The following DIAPH2 variants were observed in gnomAD, a reference collection of about 807,000 sequenced individuals.
DIAPH2 encodes diaphanous related formin 2.
Under a neutral mutation model 92.7 loss-of-function variants are expected in DIAPH2, and 35 were observed. The ratio of observed to expected loss-of-function variants is 0.38; its 90% CI spans 0.29 to 0.50. The LOEUF (loss-of-function observed/expected upper bound fraction) is 0.50, where lower values mean the gene tolerates loss of function less well. DIAPH2 is among the 20% of genes least tolerant of loss of function. DIAPH2 has a pLI of 0.94. For synonymous variants in DIAPH2, 301 were observed against 280.4 expected, an observed-to-expected ratio of 1.07 and a Z score of -0.73; for missense variants, 701 against 819.5, an observed-to-expected ratio of 0.86 and a Z score of 1.77.
chrX:97,361,722 G>A (rs1241894179), intron 24 of DIAPH2, among the ~76,000 whole-genome samples: 1 of 111,919 alleles, frequency 8.9e-6, no homozygotes, highest in South Asian at 3.8e-4. Flanking sequence ...GGCTGTAGTT[G>A]TTCCAGGCAT....
chrX:97,420,281 A>G (rs745350546), intron 25 of DIAPH2, among the ~76,000 whole-genome samples: 4 of 111,736 alleles, frequency 3.6e-5, no homozygotes, highest in South Asian at 7.6e-4. Context: ...TAAGATATAC[A>G]TACATTAGGG....
chrX:97,290,074 A>AATATATATAT (rs374540988), intron 23 of DIAPH2, among the ~76,000 whole-genome samples: 48 of 95,116 alleles, frequency 5.0e-4, no homozygotes, highest in African/African-American at 1.7e-3. Flanking sequence ...CAGTAATTTA[A>AATATATATAT]ATATATATAT....
intron 4 of DIAPH2, among the ~76,000 whole-genome samples, chrX:96,864,909 A>G (rs1015932223): frequency 8.9e-6 from 1 of 112,209 alleles, no homozygotes; most frequent in Admixed American, 9.5e-5. Context: ...AACGGGGATA[A>G]TATGTCTCAC....
intron 17 of DIAPH2, among the ~76,000 whole-genome samples, chrX:97,010,664 T>C (rs772011743): frequency 8.9e-6 from 1 of 111,929 alleles, no homozygotes; most frequent in South Asian, 3.7e-4. Context: ...TTATATGACG[T>C]TTCAGAACAT....
intron 4 of DIAPH2, among the ~76,000 whole-genome samples, chrX:96,865,789 A>C (rs777352013): frequency 2.7e-5 from 3 of 112,506 alleles, no homozygotes; most frequent in Non-Finnish European, 5.6e-5. Context: ...TTTAGTGAGT[A>C]GTACAGTGAA....
intron 23 of DIAPH2, among the ~76,000 whole-genome samples, chrX:97,280,434 C>A (rs1386497522): frequency 1.8e-5 from 2 of 111,142 alleles, no homozygotes; most frequent in Non-Finnish European, 3.8e-5. Flanking sequence ...GATCGTGCCA[C>A]TGCACTCCAG....
At chrX:97,305,824 CAA>C (rs754094514) in intron 23 of DIAPH2, among the ~76,000 whole-genome samples, 32 of 49,119 alleles carry the variant, frequency 6.5e-4, no homozygotes, top group East Asian at 6.2e-4. Context: ...ACTCCTTCTC[CAA>C]AAAAAAAAAA....
intron 26 of DIAPH2, among the ~76,000 whole-genome samples, chrX:97,550,188 G>C (rs1212288256): frequency 9.0e-6 from 1 of 111,295 alleles, no homozygotes; most frequent in East Asian, 2.8e-4. Flanking sequence ...ATGAAACCTT[G>C]TCTCTACCAA....
intron 14 of DIAPH2, among the ~76,000 whole-genome samples, chrX:96,948,661 G>A (rs2065753391): frequency 8.9e-6 from 1 of 111,735 alleles, no homozygotes; most frequent in African/African-American, 3.3e-5. Context: ...CATTATGTGT[G>A]AAGAGAGACT....
At chrX:97,161,302 T>C (rs1050913328) in intron 22 of DIAPH2, among the ~76,000 whole-genome samples, 7 of 111,479 alleles carry the variant, frequency 6.3e-5, no homozygotes, top group African/African-American at 2.0e-4. Flanking sequence ...AGATGGATTA[T>C]ATATAAAAAT....
chrX:96,788,966 G>A (rs771785474), intron 4 of DIAPH2, among the ~76,000 whole-genome samples: 41 of 112,437 alleles, frequency 3.6e-4, no homozygotes, highest in Admixed American at 6.6e-4. Context: ...TATAGTAGGC[G>A]TGTGTGTTGA....
intron 26 of DIAPH2, among the ~76,000 whole-genome samples, chrX:97,490,582 T>C: frequency 9.1e-6 from 1 of 110,478 alleles, no homozygotes; most frequent in Admixed American, 9.7e-5. Context: ...TTGCTCTATC[T>C]CGTAAGTTTT....
intron 26 of DIAPH2, among the ~76,000 whole-genome samples, chrX:97,481,694 A>G (rs1447855632): frequency 9.0e-6 from 1 of 111,224 alleles, no homozygotes; most frequent in Non-Finnish European, 1.9e-5. Context: ...AGGAATTATA[A>G]TTCATACTCT....
At chrX:97,312,511 G>A (rs1225259285) in intron 23 of DIAPH2, among the ~76,000 whole-genome samples, 5 of 108,491 alleles carry the variant, frequency 4.6e-5, no homozygotes, top group Non-Finnish European at 1.9e-5. Context: ...CACCACGCCC[G>A]GCTAATTTTT....
At chrX:96,939,906 G>A (rs753132229) in intron 12 of DIAPH2, among the ~76,000 whole-genome samples, 12 of 83,526 alleles carry the variant, frequency 1.4e-4, no homozygotes, top group South Asian at 1.1e-3. Context: ...CTCGTGATCC[G>A]CCCGTCTCGG....
Position 97,194,536 on chromosome X carries a change from G to T in DIAPH2, c.2719+52742G>T, listed in dbSNP as rs773075702. ...CCCGACCTCGTGATCCGCCCACCTT[G>T]GCCTCCCAAAGTGCTGGGATTACAG... On this transcript the variant is annotated intron_variant, in intron 22 of 26. Coordinates refer to ENST00000324765, the MANE Select transcript of DIAPH2 (RefSeq NM_006729.5). Among the ~76,000 whole-genome samples the T allele has an allele frequency of 3.4e-3, 375 of 110,741 alleles. 9 individuals carry two copies. The East Asian group carries it at 0.093, about 27-fold the overall frequency.
chrX:97,587,449 A>C (rs2071486639), intron 26 of DIAPH2, among the ~76,000 whole-genome samples: 1 of 111,885 alleles, frequency 8.9e-6, no homozygotes, highest in Non-Finnish European at 1.9e-5. Context: ...TACCCACTGG[A>C]TGACAATAAG....
intron 21 of DIAPH2, among the ~76,000 whole-genome samples, chrX:97,137,473 A>G (rs973475907): frequency 2.8e-5 from 3 of 107,955 alleles, no homozygotes; most frequent in Non-Finnish European, 5.7e-5. Context: ...GTAAGAGCTC[A>G]TATTGAGTGT....
chrX:97,391,525 T>C (rs781593888), intron 25 of DIAPH2, among the ~76,000 whole-genome samples: 3 of 111,703 alleles, frequency 2.7e-5, no homozygotes, highest in Non-Finnish European at 5.6e-5. Flanking sequence ...ATTGGAACCA[T>C]AGGATCTTAC....
Sources: gnomAD v4.1 joint callset for allele counts (sites outside exome capture counted in the v4.1 genomes callset) on GRCh38, gnomAD v4.1.1 for gene constraint, MANE v1.5 for transcripts, NCBI Gene and HGNC (gene_info 2026-07-23, HGNC 2026-07-21) for gene names.